The following KIAA1958 variants were observed in gnomAD, a reference collection of about 807,000 sequenced individuals.
KIAA1958 encodes the protein KIAA1958.
KIAA1958 carries 14 observed loss-of-function variants against 47.2 expected under a neutral mutation model. The observed-to-expected ratio is 0.30, with a 90% CI of 0.20 to 0.46. KIAA1958 has a LOEUF of 0.46. KIAA1958 is among the 20% of genes least tolerant of loss of function. The pLI is 1.00. For missense variants in KIAA1958, 803 were observed against 909.2 expected, an observed-to-expected ratio of 0.88 and a Z score of 1.50; for synonymous variants, 354 against 353.3, an observed-to-expected ratio of 1.00 and a Z score of -0.02.
chr9:112,607,336 A>G (rs191682032), intron 2 of KIAA1958, among the ~76,000 whole-genome samples: 78 of 151,940 alleles, frequency 5.1e-4, no homozygotes, highest in African/African-American at 1.7e-3. Flanking sequence ...CTGTCTCAAA[A>G]AAGAAAAAAG....
chr9:112,543,820 G>T (rs765309342), intron 1 of KIAA1958, among the ~76,000 whole-genome samples: 1 of 151,972 alleles, frequency 6.6e-6, no homozygotes, highest in Non-Finnish European at 1.5e-5. Flanking sequence ...TGATCCACCC[G>T]CCTCGGCCTC....
intron 1 of KIAA1958, among the ~76,000 whole-genome samples, chr9:112,526,545 C>A (rs540323500): frequency 2.6e-5 from 4 of 152,174 alleles, no homozygotes; most frequent in Non-Finnish European, 5.9e-5. Context: ...CTTGCCCAGC[C>A]GAGACTGGGC....
At chr9:112,544,338 G>A (rs760052837) in intron 1 of KIAA1958, among the ~76,000 whole-genome samples, 1 of 152,042 alleles carries the variant, frequency 6.6e-6, no homozygotes. Context: ...AATTGCTTTC[G>A]CACTATAACT....
In KIAA1958 at chr9:112,618,298, G is replaced by T. The variant is rs1161470141; in HGVS notation, c.1172-27352G>T. The T allele has an allele frequency of 1.9e-6, 3 of 1,551,084 alleles. No homozygotes were observed. The East Asian group carries it at 7.3e-5, about 38-fold the overall frequency. Reference sequence around the variant, plus strand: ...AGCTCATCCTGCGGAAAAGGGGACTGCTAAGCCGATATAACCCCGAGGGTT... The same window carrying T: ...AGCTCATCCTGCGGAAAAGGGGACTTCTAAGCCGATATAACCCCGAGGGTT... On this transcript the variant is annotated intron_variant, in intron 2 of 3. Coordinates refer to ENST00000337530, the MANE Select transcript of KIAA1958 (RefSeq NM_133465.4). The surrounding 1 kb of genome is among the most constrained non-coding windows in gnomAD (Gnocchi z 7.1).
chr9:112,527,983 A>G (rs1044963893), intron 1 of KIAA1958, among the ~76,000 whole-genome samples: 1 of 151,568 alleles, frequency 6.6e-6, no homozygotes, highest in African/African-American at 2.4e-5. Flanking sequence ...AGGCCTGGCC[A>G]TTCAATACTC....
chr9:112,529,288 T>A (rs1445320164), intron 1 of KIAA1958, among the ~76,000 whole-genome samples: 2 of 152,212 alleles, frequency 1.3e-5, no homozygotes, highest in African/African-American at 4.8e-5. Context: ...TTCAGAGAGT[T>A]CCCATATCTT....
chr9:112,642,849 C>T (rs538295347), intron 2 of KIAA1958, among the ~76,000 whole-genome samples: 20 of 152,224 alleles, frequency 1.3e-4, no homozygotes, highest in Admixed American at 2.0e-4. Flanking sequence ...TAATCATGAA[C>T]GAACCATATA....
At chr9:112,591,499 CTT>C (rs1334214874) in intron 2 of KIAA1958, among the ~76,000 whole-genome samples, 2 of 152,016 alleles carry the variant, frequency 1.3e-5, no homozygotes, top group Non-Finnish European at 2.9e-5. Context: ...TTCATTCCCT[CTT>C]ATTTTTTATA....
chr9:112,601,445 C>T (rs1836129921), intron 2 of KIAA1958, among the ~76,000 whole-genome samples: 1 of 152,074 alleles, frequency 6.6e-6, no homozygotes, highest in African/African-American at 2.4e-5. Context: ...AGGTCTTCTT[C>T]GGCACTGTGT....
At chr9:112,503,837 A>G (rs1834185965) in intron 1 of KIAA1958, among the ~76,000 whole-genome samples, 1 of 151,968 alleles carries the variant, frequency 6.6e-6, no homozygotes, top group Non-Finnish European at 1.5e-5. Context: ...TTCCCTGATC[A>G]TGACTGTCAT....
intron 1 of KIAA1958, among the ~76,000 whole-genome samples, chr9:112,525,568 C>T (rs1049507557): frequency 3.9e-5 from 6 of 152,140 alleles, no homozygotes; most frequent in African/African-American, 1.2e-4. Context: ...CCTAATGATG[C>T]CATTACTCCT....
intron 2 of KIAA1958, among the ~76,000 whole-genome samples, chr9:112,608,666 C>T (rs1233234337): frequency 2.6e-5 from 4 of 151,978 alleles, no homozygotes; most frequent in African/African-American, 9.7e-5. Flanking sequence ...TGTCACATGC[C>T]TGTGGTCCCA....
At chr9:112,595,163 A>G (rs1034600813) in intron 2 of KIAA1958, among the ~76,000 whole-genome samples, 1 of 152,202 alleles carries the variant, frequency 6.6e-6, no homozygotes, top group Non-Finnish European at 1.5e-5. Context: ...GCAGAATTTT[A>G]TTAATTTCCA....
chr9:112,535,208 A>C (rs528730890), intron 1 of KIAA1958, among the ~76,000 whole-genome samples: 12 of 152,214 alleles, frequency 7.9e-5, no homozygotes, highest in Non-Finnish European at 1.8e-4. Flanking sequence ...TGTCTGACTG[A>C]AATTTTATAT....
intron 2 of KIAA1958, among the ~76,000 whole-genome samples, chr9:112,642,493 T>C (rs550935342): frequency 6.6e-6 from 1 of 152,312 alleles, no homozygotes; most frequent in Admixed American, 6.5e-5. Context: ...CCACAGCAAA[T>C]ATCCCTCACT....
At chr9:112,563,896 C>T (rs1835380699) in intron 1 of KIAA1958, among the ~76,000 whole-genome samples, 1 of 151,980 alleles carries the variant, frequency 6.6e-6, no homozygotes, top group Non-Finnish European at 1.5e-5. Context: ...TGAGGGAATT[C>T]CCTACCATTA....
chr9:112,610,142 A>T (rs1008488802), intron 2 of KIAA1958, among the ~76,000 whole-genome samples: 2 of 152,180 alleles, frequency 1.3e-5, no homozygotes. Context: ...TTTATTATGA[A>T]ATCAATAATG....
intron 1 of KIAA1958, among the ~76,000 whole-genome samples, chr9:112,525,014 C>A (rs183617703): frequency 6.7e-6 from 1 of 148,312 alleles, no homozygotes; most frequent in African/African-American, 2.5e-5. Flanking sequence ...GCCTGAGAAC[C>A]TAATATCATT....
intron 2 of KIAA1958, among the ~76,000 whole-genome samples, chr9:112,636,502 G>T (rs1836806748): frequency 6.6e-6 from 1 of 151,966 alleles, no homozygotes; most frequent in African/African-American, 2.4e-5. Context: ...TCATAGATTT[G>T]CCTATTTCTC....
Sources: allele counts gnomAD v4.1 joint callset (sites outside exome capture counted in the v4.1 genomes callset), GRCh38; gene constraint gnomAD v4.1.1; non-coding constraint Gnocchi (gnomAD v3.1); transcripts MANE v1.5; gene names NCBI Gene and HGNC (gene_info 2026-07-23, HGNC 2026-07-21).